DNAH2: variants seen among roughly 807,000 people sequenced by gnomAD.
DNAH2 encodes the protein axonemal beta dynein heavy chain 2.
Under a neutral mutation model 523.5 loss-of-function variants are expected in DNAH2, and 323 were observed. The observed-to-expected ratio is 0.62, with a 90% CI of 0.56 to 0.68. The LOEUF (loss-of-function observed/expected upper bound fraction) is 0.68. Ranked by LOEUF, DNAH2 falls within the 30% of genes least tolerant of loss-of-function variation. The pLI is 0.00. For synonymous variants in DNAH2, 2,093 were observed against 2,177.4 expected (o/e 0.96, Z 1.08); for missense variants, 4,907 against 5,701.5 (o/e 0.86, Z 4.49).
At chr17:7,758,715 T>G in intron 14 of DNAH2, 64 bp downstream of exon 14, 1 of 1,573,512 alleles carries the variant, frequency 6.4e-7, no homozygotes, top group Non-Finnish European at 8.6e-7. Context: ...ACCTGAGTGT[T>G]GCATAGAGAT....
Position 7,827,747 on chromosome 17 carries a change from A to ATT in DNAH2, c.11854-2544_11854-2543dup, listed in dbSNP as rs142087745. On this transcript the variant is annotated intron_variant, in intron 77 of 85. Transcript: ENST00000572933. ...ACGCATCAGCCACTGCGCCCAGCCA[A>ATT]TTTTTTTTTTCTACATGGATAACCA... Among the ~76,000 whole-genome samples, 106 of 150,560 alleles carry ATT rather than the reference A, an allele frequency of 7.0e-4. 1 individual carries two copies. Among genetic ancestry groups the ATT allele is most frequent in the Admixed American group, 1.1e-3 (16 of 15,144 alleles).
intron 12 of DNAH2, among the ~76,000 whole-genome samples, chr17:7,749,306 CCCAAAAAAAAAAAAAAAA>C (rs2075607821): frequency 1.7e-3 from 6 of 3,500 alleles, no homozygotes; most frequent in African/African-American, 4.1e-3. Flanking sequence ...TAAACTCCCC[CCCAAAAAAAAAAAAAAAA>C]AAAAAAAAAA....
intron 18 of DNAH2, among the ~76,000 whole-genome samples, chr17:7,761,370 C>A (rs560216295): frequency 6.6e-6 from 1 of 152,104 alleles, no homozygotes; most frequent in Non-Finnish European, 1.5e-5. Context: ...TGGGCTCAAG[C>A]GATCCTCCTG....
In DNAH2 at chr17:7,797,434, A is replaced by G; in HGVS notation, c.7984A>G (p.Thr2662Ala). The G allele has an allele frequency of 1.2e-6, 2 of 1,614,112 alleles. No homozygotes were observed. Reference sequence around the variant, plus strand: ...TGACCGGCTGGTTGATGCGGCAGACACAGAAGCCTTCATGGGCATCATAAG... The same window carrying G: ...TGACCGGCTGGTTGATGCGGCAGACGCAGAAGCCTTCATGGGCATCATAAG... Reference protein sequence around the residue: ...FSDRLVDAADTEAFMGIISDK... With the variant: ...FSDRLVDAADAEAFMGIISDK... The change falls in exon 52 of 86, where the codon ACA becomes GCA. Residue 2662 changes from threonine (T) to alanine (A), a missense_variant. Thr to Ala is a moderately conservative substitution (Grantham distance 58). Transcript: ENST00000572933.
At chr17:7,818,523 G>C in intron 69 of DNAH2, 63 bp downstream of exon 69, 1 of 1,605,632 alleles carries the variant, frequency 6.2e-7, no homozygotes, top group Admixed American at 1.7e-5. Flanking sequence ...GAAGGATTGA[G>C]AAAAGGGATA....
Position 7,776,786 on chromosome 17 carries a change from T to C in DNAH2, c.4955T>C (p.Ile1652Thr). 6.2e-7 allele frequency: 1 copy of C among 1,612,274 alleles called. No homozygotes were observed. Among genetic ancestry groups the C allele is most frequent in the Admixed American group, 1.7e-5 (1 of 59,932 alleles). Residue 1652 changes from isoleucine (I) to threonine (T), a missense_variant, in exon 32 of 86, where the codon ATC (isoleucine) becomes ACC (threonine). Ile to Thr is a moderately conservative substitution (Grantham distance 89). Coordinates refer to ENST00000572933, the MANE Select transcript of DNAH2 (RefSeq NM_020877.5). ...GCTTCTGCACATCCCCAGGTGGTGA[T>C]CACTGCCAGTCAGATCCAGTGGACG... ...WVKEWAGQVV[I>T]TASQIQWTAD...
At chr17:7,722,548 A>G (rs1241331624) in intron 2 of DNAH2, among the ~76,000 whole-genome samples, 2 of 151,716 alleles carry the variant, frequency 1.3e-5, no homozygotes, top group Middle Eastern at 3.2e-3. Flanking sequence ...TTTAGCAGTC[A>G]CTCCTGATTC....
Position 7,832,891 on chromosome 17 carries a change from C to T in DNAH2, c.12941C>T (p.Ser4314Phe). ...AGCCTCTCCTGGGAGTTTATCGTTTCCACTGTGGATGACAGCAACCTAGTG... is the reference window on the plus strand; with the variant it reads ...AGCCTCTCCTGGGAGTTTATCGTTTTCACTGTGGATGACAGCAACCTAGTG... The part of the protein sequence containing the change: ...VDSLSWEFIV[S>F]TVDDSNLVYP... The change falls in exon 84 of 86, where the codon TCC becomes TTC. Residue 4314 changes from serine to phenylalanine, a missense_variant. By Grantham distance (155) the Ser-to-Phe change is radical. Transcript: ENST00000572933. This position sits in a 1 kb window ranked among gnomAD's most constrained non-coding sequence, Gnocchi z 4.3. 1.2e-6 allele frequency: 2 copies of T among 1,614,212 alleles called. No homozygotes were observed. The highest frequency in any genetic ancestry group is 1.7e-6 in the Non-Finnish European group (2 of 1,180,046).
intron 8 of DNAH2, among the ~76,000 whole-genome samples, chr17:7,738,399 A>G (rs112637689): frequency 4.5e-4 from 68 of 152,068 alleles, no homozygotes; most frequent in African/African-American, 1.4e-3. Flanking sequence ...GCGCGATCTC[A>G]GCTCACTGCA....
intron 63 of DNAH2, among the ~76,000 whole-genome samples, chr17:7,815,252 G>A (rs758917069): frequency 1.6e-4 from 24 of 152,244 alleles, no homozygotes; most frequent in African/African-American, 5.8e-4. Flanking sequence ...CCACCTTGGC[G>A]AGGCTCCGAA....
chr17:7,772,347 T>C (rs2076340343), intron 28 of DNAH2, among the ~76,000 whole-genome samples: 1 of 152,230 alleles, frequency 6.6e-6, no homozygotes, highest in Admixed American at 6.5e-5. Context: ...TGAAAAGTTA[T>C]GGTATGCAAA....
chr17:7,809,157 A>C (rs745325455), intron 63 of DNAH2, among the ~76,000 whole-genome samples: 10 of 152,178 alleles, frequency 6.6e-5, no homozygotes, highest in Non-Finnish European at 1.2e-4. Context: ...GAAGCTGGCC[A>C]TACAATTTCA....
In DNAH2 at chr17:7,821,336, G is replaced by A. The variant is rs945550079; in HGVS notation, c.11109G>A (p.Met3703Ile). The change falls in exon 73 of 86, where the codon ATG (methionine) becomes ATA (isoleucine). Residue 3703 changes from methionine (M) to isoleucine (I), a missense_variant. Transcript: ENST00000572933. The surrounding 1 kb of genome is among the most constrained non-coding windows in gnomAD (Gnocchi z 5.0). ...KILETSGKLN[M>I]DEYNFFLRGG... Reference sequence around the variant, plus strand: ...TGGAGACTTCTGGCAAGCTCAACATGGATGAATACAACTTCTTTCTACGTG... The same window carrying A: ...TGGAGACTTCTGGCAAGCTCAACATAGATGAATACAACTTCTTTCTACGTG... The A allele has an allele frequency of 3.1e-6, 5 of 1,613,638 alleles. No individual in the cohort carries two copies. Among genetic ancestry groups the A allele is most frequent in the Non-Finnish European group, 4.2e-6 (5 of 1,179,814 alleles).
At position 7,724,742 on chromosome 17, in the gene DNAH2, C is replaced by CTTTTTTTTTTTTTTTTT. The variant is rs57294591; in HGVS notation, c.228+1068_228+1069insTTTTTTTTTTTTTTTTT. The stretch of plus-strand genomic sequence containing the variant: ...ATAATCCTAACTTTATCATATGTTA[C>CTTTTTTTTTTTTTTTTT]TTTTTTTTTTTTTTTCTGAGATGGA... On this transcript the variant is annotated intron_variant, in intron 3 of 85. Transcript: ENST00000572933. Among the ~76,000 whole-genome samples the CTTTTTTTTTTTTTTTTT allele has an allele frequency of 1.5e-5, 2 of 130,446 alleles. 1 individual carries two copies. Among genetic ancestry groups the CTTTTTTTTTTTTTTTTT allele is most frequent in the Non-Finnish European group, 3.1e-5 (2 of 63,894 alleles). The allele number at this position is 130,446 out of a possible 152,430, so 85.6% of individuals were successfully genotyped here. A position where few individuals can be genotyped will look rare whatever the true frequency, so the allele number is the denominator to read the frequency against.
intron 9 of DNAH2, 137 bp downstream of exon 9, chr17:7,740,075 G>GA (rs2075266967): frequency 4.2e-6 from 2 of 481,898 alleles, no homozygotes; most frequent in Non-Finnish European, 7.0e-6. Flanking sequence ...CCGGGGGGGG[G>GA]GACAGGAGAG....
At chr17:7,823,321 T>A in intron 73 of DNAH2, 121 bp from the exon 74 acceptor site, 1 of 978,474 alleles carries the variant, frequency 1.0e-6, no homozygotes, top group Non-Finnish European at 1.5e-6. Flanking sequence ...TTCCATTTGG[T>A]TTTCCCACCG....
In DNAH2 at chr17:7,798,329, G is replaced by A. The variant is rs1291286062; in HGVS notation, c.8398+5G>A. On this transcript the variant is annotated splice_donor_5th_base_variant and intron_variant, in intron 54 of 85. Coordinates refer to ENST00000572933, the MANE Select transcript of DNAH2 (RefSeq NM_020877.5). This position sits in a 1 kb window ranked among gnomAD's most constrained non-coding sequence, Gnocchi z 5.5. Reference sequence around the variant, plus strand: ...GGAAGCAGGAGTTCCGAGATGGTACGGCTGGGTTTCTGAAATGCTAGGAAT... The same window carrying A: ...GGAAGCAGGAGTTCCGAGATGGTACAGCTGGGTTTCTGAAATGCTAGGAAT... 2.5e-6 allele frequency: 4 copies of A among 1,605,390 alleles called. No individual in the cohort carries two copies. Among genetic ancestry groups the A allele is most frequent in the East Asian group, 2.2e-5 (1 of 44,640 alleles).
intron 34 of DNAH2, 33 bp downstream of exon 34, chr17:7,778,213 G>T: frequency 6.2e-7 from 1 of 1,614,172 alleles, no homozygotes; most frequent in Non-Finnish European, 8.5e-7. Context: ...GGTGGCTGGG[G>T]TGGGGGGCAG....
At chr17:7,817,515 TG>T in intron 65 of DNAH2, 45 bp from the exon 66 acceptor site, 2 of 1,613,676 alleles carry the variant, frequency 1.2e-6, no homozygotes, top group Non-Finnish European at 1.7e-6. Context: ...CGGGGGCTGC[TG>T]GGCTCAGCTC....
Sources: gnomAD v4.1 joint callset for allele counts (sites outside exome capture counted in the v4.1 genomes callset) on GRCh38, gnomAD v4.1.1 for gene constraint, Gnocchi (gnomAD v3.1) non-coding constraint, MANE v1.5 for transcripts, NCBI Gene and HGNC (gene_info 2026-07-23, HGNC 2026-07-21) for gene names.